CAGE1: variants seen among roughly 807,000 people sequenced by gnomAD.
The protein encoded by CAGE1 is cancer-associated gene 1 protein.
Under a neutral mutation model 94.9 loss-of-function variants are expected in CAGE1, and 66 were observed. The observed-to-expected ratio is 0.70, with a 90% CI of 0.57 to 0.85. The LOEUF (loss-of-function observed/expected upper bound fraction) is 0.85, where lower values mean the gene tolerates loss of function less well. CAGE1 is among the 40% of genes least tolerant of loss of function. CAGE1 has a pLI of 0.00. For synonymous variants in CAGE1, 319 were observed against 321.0 expected (o/e 0.99, Z 0.07); for missense variants, 865 against 950.4 (o/e 0.91, Z 1.18).
At chr6:7,328,697 G>T (rs948056266) in intron 13 of CAGE1, among the ~76,000 whole-genome samples, 1 of 152,028 alleles carries the variant, frequency 6.6e-6, no homozygotes, top group Admixed American at 6.6e-5. Context: ...TAACACTGCA[G>T]GGTAACTAGA....
rs1425635987 is a variant in CAGE1, at chr6:7,373,364, C to T, written c.1455G>A (p.Leu485=). 5 of 1,613,630 alleles carry T rather than the reference C, an allele frequency of 3.1e-6. No individual in the cohort carries two copies. In the South Asian group the frequency reaches 4.4e-5, roughly 14 times the overall value. Residue 485 remains leucine (L), a synonymous_variant, in exon 5 of 14, where the codon TTG becomes TTA. Coordinates refer to ENST00000502583, the MANE Select transcript of CAGE1 (RefSeq NM_001170692.2). The stretch of plus-strand genomic sequence containing the variant: ...GTTTCTGGAATTCCTCCTGTAAAGA[C>T]AAGAACTCTTGTTCTTGGGCCTCTT... ...REKEAQEQEF[L]SLQEEFQKLE...
Position 7,339,528 on chromosome 6 carries a change from T to C in CAGE1, c.2370-5438A>G. The C allele has an allele frequency of 1.3e-6, 1 of 796,536 alleles. No individual in the cohort carries two copies. Among genetic ancestry groups the C allele is most frequent in the East Asian group, 2.4e-5 (1 of 41,302 alleles). The allele number at this position is 796,536 out of a possible 1,614,324, so 49.3% of individuals were successfully genotyped here. On this transcript the variant is annotated intron_variant, in intron 11 of 13. Transcript: ENST00000502583. This position sits in a 1 kb window ranked among gnomAD's most constrained non-coding sequence, Gnocchi z 4.7. ...ATTCATTTCAGCTTAGAAGATGCCA[T>C]CAGTGACAAACTTCCTCTTCTTGGA... is the stretch of plus-strand genomic sequence containing the variant.
rs1226419996 is a variant in CAGE1, at chr6:7,339,959, G to A, written c.2370-5869C>T. ...CAGTAGTGGGATTTCTGGATCAAAT[G>A]GTAGTTCTACTTTTAGTTCTTTAAA... is the stretch of plus-strand genomic sequence containing the variant. On this transcript the variant is annotated intron_variant, in intron 11 of 13. Coordinates refer to ENST00000502583, the MANE Select transcript of CAGE1 (RefSeq NM_001170692.2). This position sits in a 1 kb window ranked among gnomAD's most constrained non-coding sequence, Gnocchi z 4.7. Among the ~76,000 whole-genome samples, 1 of 152,178 alleles carries A rather than the reference G, an allele frequency of 6.6e-6. No individual in the cohort carries two copies. The highest frequency in any genetic ancestry group is 1.5e-5 in the Non-Finnish European group (1 of 68,032).
At chr6:7,344,010 A>G (rs1024723429) in intron 11 of CAGE1, among the ~76,000 whole-genome samples, 3 of 152,240 alleles carry the variant, frequency 2.0e-5, no homozygotes, top group African/African-American at 7.2e-5. Flanking sequence ...AAACAGACAG[A>G]TCTGGACTTA....
chr6:7,387,895 G>T (rs12234154), intron 1 of CAGE1, among the ~76,000 whole-genome samples: 1 of 148,574 alleles, frequency 6.7e-6, no homozygotes, highest in African/African-American at 2.5e-5. Flanking sequence ...TTAGCTGGGC[G>T]CGGTGGCGTG....
chr6:7,341,347 G>T, intron 11 of CAGE1: 1 of 712,730 alleles, frequency 1.4e-6, no homozygotes, highest in South Asian at 1.4e-5. Context: ...CAGATCACAT[G>T]GGTCCTGTTG....
intron 11 of CAGE1, among the ~76,000 whole-genome samples, chr6:7,352,200 T>C (rs914770292): frequency 2.1e-5 from 3 of 141,934 alleles, no homozygotes; most frequent in African/African-American, 7.9e-5. Context: ...TGATACAAGA[T>C]AAATGTACAC....
chr6:7,329,870 A>G lies in CAGE1; in HGVS notation c.2457T>C (p.Asn819=), dbSNP rs1219425718. 2.1e-6 allele frequency: 3 copies of G among 1,461,834 alleles called. No homozygotes were observed. Among genetic ancestry groups the G allele is most frequent in the Non-Finnish European group, 2.8e-6 (3 of 1,053,934 alleles). The allele number at this position is 1,461,834 out of a possible 1,614,324, so 90.6% of individuals were successfully genotyped here. A position where few individuals can be genotyped will look rare whatever the true frequency, so the allele number is the denominator to read the frequency against. The stretch of plus-strand genomic sequence containing the variant: ...CTACCATGGTCATGGACTTCGGATG[A>G]TTTTCTAAGCTTTTTGATCTGTAAG... The part of the protein sequence containing the change: ...ARKPRSKSLE[N]HPKSMTMMPA... Residue 819 remains asparagine (N), a synonymous_variant, in exon 13 of 14, where the codon AAT becomes AAC. Transcript: ENST00000502583.
rs879416642 is a variant in CAGE1 at position 7,373,079 on chromosome 6, A to G, written c.1740T>C (p.Ile580=). Reference sequence around the variant, plus strand: ...TTAGAATGTGTATCAATACCTTGGTAATATCTGACTTCAAGACTTCCTCTA... The same window carrying G: ...TTAGAATGTGTATCAATACCTTGGTGATATCTGACTTCAAGACTTCCTCTA... ...DQLEEVLKSD[I]TKDTKTTHSN... Residue 580 remains isoleucine, a synonymous_variant, in exon 5 of 14, where the codon ATT becomes ATC. Transcript: ENST00000502583. The G allele has an allele frequency of 7.5e-6, 12 of 1,596,250 alleles. No homozygotes were observed. The highest frequency in any genetic ancestry group is 1.0e-5 in the Non-Finnish European group (12 of 1,171,642).
intron 9 of CAGE1, among the ~76,000 whole-genome samples, chr6:7,364,758 G>A (rs1442229005): frequency 2.6e-5 from 4 of 151,820 alleles, no homozygotes; most frequent in South Asian, 2.1e-4. Flanking sequence ...ATGAGCCACC[G>A]CGCCTGGTCA....
chr6:7,359,238 G>T (rs1311934467), intron 9 of CAGE1, among the ~76,000 whole-genome samples: 1 of 152,084 alleles, frequency 6.6e-6, no homozygotes, highest in African/African-American at 2.4e-5. Flanking sequence ...GTAGAGATGG[G>T]ATTTCACCAT....
intron 9 of CAGE1, among the ~76,000 whole-genome samples, chr6:7,357,692 C>G (rs535551829): frequency 6.6e-6 from 1 of 151,976 alleles, no homozygotes; most frequent in African/African-American, 2.4e-5. Context: ...TTTCTGCTAA[C>G]GTACAAATTT....
At chr6:7,354,980 A>G in intron 11 of CAGE1, 61 bp downstream of exon 11, 1 of 1,210,804 alleles carries the variant, frequency 8.3e-7, no homozygotes, top group Non-Finnish European at 1.2e-6. Context: ...AGAATTTAGA[A>G]TCCAGAGAAT....
chr6:7,341,839 T>C (rs911808846), intron 11 of CAGE1: 8 of 679,058 alleles, frequency 1.2e-5, no homozygotes, highest in Admixed American at 7.2e-5. Context: ...TGCCTTGCAC[T>C]AGTAGGTCAG....
At chr6:7,386,114 T>C (rs1761112559) in intron 2 of CAGE1, among the ~76,000 whole-genome samples, 2 of 152,220 alleles carry the variant, frequency 1.3e-5, no homozygotes, top group African/African-American at 4.8e-5. Context: ...GGTTTTTTGG[T>C]AAGTCAAATC....
At chr6:7,376,770 G>A (rs9405336) in intron 4 of CAGE1, among the ~76,000 whole-genome samples, 54,213 of 151,906 alleles carry the variant, frequency 0.36, 9,860 homozygotes, top group East Asian at 0.44. Context: ...TGTGGCCACA[G>A]GGTTTGCAGA....
intron 11 of CAGE1, among the ~76,000 whole-genome samples, chr6:7,342,712 G>T (rs1451594229): frequency 6.6e-6 from 1 of 152,168 alleles, no homozygotes; most frequent in African/African-American, 2.4e-5. Flanking sequence ...TGGTCATGAA[G>T]TCTTTGCTTA....
intron 5 of CAGE1, among the ~76,000 whole-genome samples, chr6:7,371,220 C>T (rs997910929): frequency 2.0e-5 from 3 of 152,122 alleles, no homozygotes; most frequent in African/African-American, 4.8e-5. Flanking sequence ...ATCAGAAACT[C>T]TAGGGTAGGG....
chr6:7,338,903 G>T (rs1190498867), intron 11 of CAGE1: 3 of 1,520,182 alleles, frequency 2.0e-6, no homozygotes, highest in Non-Finnish European at 2.7e-6. Context: ...TTCTGAGATG[G>T]GGGTGGTGGG....
Sources: gnomAD v4.1 joint callset for allele counts (sites outside exome capture counted in the v4.1 genomes callset) on GRCh38, gnomAD v4.1.1 for gene constraint, Gnocchi (gnomAD v3.1) non-coding constraint, MANE v1.5 for transcripts, NCBI Gene and HGNC (gene_info 2026-07-23, HGNC 2026-07-21) for gene names.